Variants in CS observed in about 807,000 individuals in gnomAD.
CS encodes citrate synthase, mitochondrial.
A neutral mutation model predicts 61.4 loss-of-function variants in CS; 13 were observed. The ratio of observed to expected loss-of-function variants is 0.21; its 90% CI spans 0.14 to 0.34. The LOEUF is 0.34. CS is among the 10% of genes least tolerant of loss of function. The pLI is 1.00. For synonymous variants in CS, 159 were observed against 215.2 expected (o/e 0.74, Z 2.29); for missense variants, 278 against 573.4 (o/e 0.48, Z 5.26).
rs570364351 is a variant in CS, at chr12:56,272,926, A to T, written c.*158T>A. ...ATTAGGGAAGAAGGGACCATTTTTC[A>T]TCTTTTAAAGTCTTAATTTATATTT... On this transcript the variant is annotated 3_prime_UTR_variant, in exon 11 of 11. Coordinates refer to ENST00000351328, the MANE Select transcript of CS (RefSeq NM_004077.3). The T allele has an allele frequency of 3.2e-6, 2 of 619,490 alleles. No individual in the cohort carries two copies. The highest frequency in any genetic ancestry group is 2.1e-5 in the South Asian group (1 of 48,082). 38.4% of individuals were successfully genotyped at this position (619,490 alleles called of 1,614,324 possible). A position where few individuals can be genotyped will look rare whatever the true frequency, so the allele number is the denominator to read the frequency against.
intron 1 of CS, among the ~76,000 whole-genome samples, chr12:56,298,032 C>T (rs1330031682): frequency 6.6e-6 from 1 of 151,216 alleles, no homozygotes; most frequent in Non-Finnish European, 1.5e-5. Context: ...GAGTTTCGCT[C>T]TTGTTGCCCA....
At chr12:56,292,730 CAAAAAA>C (rs531365770) in intron 1 of CS, among the ~76,000 whole-genome samples, 11 of 56,878 alleles carry the variant, frequency 1.9e-4, no homozygotes, top group Non-Finnish European at 2.7e-4. Context: ...TAAAAAAATA[CAAAAAA>C]AAAAAAAAAA....
chr12:56,292,730 C>CAAAAAAAAAAAAAA (rs531365770), intron 1 of CS, among the ~76,000 whole-genome samples: 9 of 56,760 alleles, frequency 1.6e-4, no homozygotes, highest in Admixed American at 1.9e-4. Context: ...TAAAAAAATA[C>CAAAAAAAAAAAAAA]AAAAAAAAAA....
intron 1 of CS, 180 bp downstream of exon 1, chr12:56,299,980 A>G: frequency 1.7e-6 from 1 of 579,144 alleles, no homozygotes; most frequent in Non-Finnish European, 2.9e-6. Flanking sequence ...CCCAGGAGCC[A>G]GAAGGGAAGC....
chr12:56,289,266 T>A (rs185316236), intron 1 of CS, among the ~76,000 whole-genome samples: 1 of 152,296 alleles, frequency 6.6e-6, no homozygotes, highest in East Asian at 1.9e-4. Flanking sequence ...GAAAACATGT[T>A]AATAAGTTCA....
rs1192808797 is a variant in CS at position 56,272,336 on chromosome 12, G to T, written c.*748C>A. On this transcript the variant is annotated 3_prime_UTR_variant, in exon 11 of 11. Coordinates refer to ENST00000351328, the MANE Select transcript of CS (RefSeq NM_004077.3). Reference sequence around the variant, plus strand: ...ACTGGGCCCACAGATCTGTTGAGAGGTCTCTAGTAGGGACCAAGAGGGGGA... The same window carrying T: ...ACTGGGCCCACAGATCTGTTGAGAGTTCTCTAGTAGGGACCAAGAGGGGGA... 1 of 158,798 alleles carries T rather than the reference G, an allele frequency of 6.3e-6. No homozygotes were observed. The highest frequency in any genetic ancestry group is 1.4e-5 in the Non-Finnish European group (1 of 72,340). The allele number at this position is 158,798 out of a possible 1,614,324, so 9.8% of individuals were successfully genotyped here. A position where few individuals can be genotyped will look rare whatever the true frequency, so the allele number is the denominator to read the frequency against.
chr12:56,295,406 A>C (rs1170958255), intron 1 of CS, among the ~76,000 whole-genome samples: 1 of 151,776 alleles, frequency 6.6e-6, no homozygotes, highest in Non-Finnish European at 1.5e-5. Flanking sequence ...CTGTAGTCCC[A>C]GCTACTAGGG....
At chr12:56,286,240 CA>C in intron 2 of CS, 1 of 565,040 alleles carries the variant, frequency 1.8e-6, no homozygotes, top group African/African-American at 1.9e-5. Context: ...TTTGGGCAGA[CA>C]AAAGTTCTGG....
At chr12:56,284,180 C>T (rs1592409592) in intron 3 of CS, among the ~76,000 whole-genome samples, 1 of 151,842 alleles carries the variant, frequency 6.6e-6, no homozygotes, top group African/African-American at 2.4e-5. Flanking sequence ...AATTAGCGGG[C>T]ATGGTGTATG....
chr12:56,290,784 C>G (rs1873097263), intron 1 of CS, among the ~76,000 whole-genome samples: 1 of 152,198 alleles, frequency 6.6e-6, no homozygotes, highest in African/African-American at 2.4e-5. Flanking sequence ...CAATGAACTA[C>G]TATTTCTCTT....
intron 1 of CS, among the ~76,000 whole-genome samples, chr12:56,286,999 G>A (rs1872958986): frequency 6.6e-6 from 1 of 152,166 alleles, no homozygotes; most frequent in African/African-American, 2.4e-5. Flanking sequence ...GATCTCTCCT[G>A]CACCTGGTCT....
chr12:56,288,345 A>ATTT (rs1379324851), intron 1 of CS, among the ~76,000 whole-genome samples: 30 of 147,914 alleles, frequency 2.0e-4, no homozygotes, highest in Admixed American at 1.0e-3. Flanking sequence ...GGCTTTTTAG[A>ATTT]ATTTTTTTTT....
chr12:56,297,817 T>G (rs980795185), intron 1 of CS, among the ~76,000 whole-genome samples: 14 of 152,100 alleles, frequency 9.2e-5, no homozygotes, highest in Non-Finnish European at 1.8e-4. Context: ...AAGTCTACCT[T>G]ACTAGCAAAA....
chr12:56,288,830 A>ATTTTT (rs986678867), intron 1 of CS, among the ~76,000 whole-genome samples: 1 of 65,864 alleles, frequency 1.5e-5, no homozygotes, highest in African/African-American at 3.7e-5. Context: ...AAAAAAAAAA[A>ATTTTT]TTTTTTTTTG....
intron 3 of CS, chr12:56,285,311 C>T (rs1187523633): frequency 2.4e-6 from 1 of 421,134 alleles, no homozygotes; most frequent in African/African-American, 2.0e-5. Flanking sequence ...GAGATAGGGT[C>T]TCCCTCTGTT....
chr12:56,276,788 TGCCTTG>T (rs1872632809), intron 6 of CS, among the ~76,000 whole-genome samples: 1 of 152,188 alleles, frequency 6.6e-6, no homozygotes, highest in African/African-American at 2.4e-5. Context: ...GTGATCTGCC[TGCCTTG>T]GCCTCCCAAA....
chr12:56,288,697 G>A (rs1873021105), intron 1 of CS, among the ~76,000 whole-genome samples: 1 of 151,802 alleles, frequency 6.6e-6, no homozygotes, highest in Non-Finnish European at 1.5e-5. Flanking sequence ...CCCCCAGGCT[G>A]GAGTATAGTG....
At chr12:56,288,336 G>C (rs946604149) in intron 1 of CS, among the ~76,000 whole-genome samples, 4 of 151,238 alleles carry the variant, frequency 2.6e-5, no homozygotes, top group African/African-American at 9.7e-5. Flanking sequence ...AGGGCTGAAG[G>C]CTTTTTAGAA....
Position 56,279,525 on chromosome 12 carries a change from T to G in CS, c.588+2895A>C, listed in dbSNP as rs371885645. ...CTCACGCCTGTAATCCCAGCACTTT[T>G]GGAGGCTGAGGCGGGTGGATCACGA... On this transcript the variant is annotated intron_variant, in intron 6 of 10. Coordinates refer to ENST00000351328, the MANE Select transcript of CS (RefSeq NM_004077.3). 1.7e-4 allele frequency among the ~76,000 whole-genome samples: 25 copies of G among 150,540 alleles called. No individual in the cohort carries two copies. In the East Asian group the frequency reaches 4.4e-3, roughly 27 times the overall value.
Sources: allele counts gnomAD v4.1 joint callset (sites outside exome capture counted in the v4.1 genomes callset), GRCh38; gene constraint gnomAD v4.1.1; transcripts MANE v1.5; gene names NCBI Gene and HGNC (gene_info 2026-07-23, HGNC 2026-07-21).